Variants in GTPBP3 observed in about 807,000 individuals in gnomAD.
GTPBP3 encodes 5-taurinomethyluridine-[tRNA] synthase subunit GTPB3, mitochondrial.
A neutral mutation model predicts 42.0 loss-of-function variants in GTPBP3; 35 were observed. The observed-to-expected ratio is 0.83, with a 90% confidence interval of 0.64 to 1.10. The LOEUF is 1.10. Ranked by LOEUF, GTPBP3 falls within the 50% of genes least tolerant of loss-of-function variation. GTPBP3 has a pLI of 0.00. For synonymous variants in GTPBP3, 332 were observed against 314.9 expected, an observed-to-expected ratio of 1.05 and a Z score of -0.58; for missense variants, 691 against 685.2, an observed-to-expected ratio of 1.01 and a Z score of -0.09.
chr19:17,336,016 C>T (rs2074364250), upstream of GTPBP3, among the ~76,000 whole-genome samples: 1 of 152,104 alleles, frequency 6.6e-6, no homozygotes. Context: ...GGGTAGATCA[C>T]CTGAGGCAAG....
At chr19:17,338,337 T>C (rs1430012184) in intron 2 of GTPBP3, 28 bp from the exon 3 acceptor site, 2 of 1,612,922 alleles carry the variant, frequency 1.2e-6, no homozygotes, top group East Asian at 4.5e-5. Context: ...GGCTGTGCTG[T>C]CCTCCTGTCA....
rs568475516 is a variant in GTPBP3, at chr19:17,341,617, C to T, written c.1393C>T (p.Arg465Trp). ...ALAAEALRVA[R>W]GHLTRLTGGG... ...GGCGGCAGAGGCGCTGCGGGTGGCC[C>T]GGGGTCACCTGACCCGGCTCACAGG... Residue 465 changes from arginine (R) to tryptophan (W), a missense_variant, in exon 9 of 9, where the codon CGG becomes TGG. Coordinates refer to ENST00000324894, the MANE Select transcript of GTPBP3 (RefSeq NM_032620.4). 16 of 1,613,706 alleles carry T rather than the reference C, an allele frequency of 9.9e-6. No homozygotes were observed. Among genetic ancestry groups the T allele is most frequent in the East Asian group, 2.2e-5 (1 of 44,876 alleles).
rs769827042 is a variant in GTPBP3, at chr19:17,341,269, G to A, written c.1200G>A (p.Thr400=). Residue 400 remains threonine, a synonymous_variant, in exon 8 of 9, where the codon ACG becomes ACA. Transcript: ENST00000324894. ...LPPHLLLSCL[T]GEGLDGLLEA... ...CGCACCTGCTGCTGTCCTGTCTGAC[G>A]GGAGAGGGGCTGGACGGCCTCCTGG... 11 of 1,605,842 alleles carry A rather than the reference G, an allele frequency of 6.8e-6. No homozygotes were observed. The African/African-American group carries it at 1.1e-4, about 16-fold the overall frequency.
At chr19:17,337,341 G>T (rs1032684928), upstream of GTPBP3, 9 of 423,434 alleles carry the variant, frequency 2.1e-5, no homozygotes, top group Middle Eastern at 6.3e-4. Flanking sequence ...GCCTCGCTGC[G>T]CTAGGACCCT....
Position 17,339,523 on chromosome 19 carries a change from C to T in GTPBP3, c.898C>T (p.Leu300=), listed in dbSNP as rs757148398. ...TPVDLAGFPV[L]LSDTAGLREG... Reference sequence around the variant, plus strand: ...AGTCGACCTGGCCGGATTTCCTGTGCTGCTGAGCGACACGGCTGGGTTGCG... The same window carrying T: ...AGTCGACCTGGCCGGATTTCCTGTGTTGCTGAGCGACACGGCTGGGTTGCG... Residue 300 remains leucine, a synonymous_variant, in exon 7 of 9, where the codon CTG becomes TTG. Transcript: ENST00000324894. 1 of 1,613,910 alleles carries T rather than the reference C, an allele frequency of 6.2e-7. No individual in the cohort carries two copies. Among genetic ancestry groups the T allele is most frequent in the South Asian group, 1.1e-5 (1 of 91,084 alleles).
chr19:17,340,817 C>T, intron 7 of GTPBP3: 2 of 549,998 alleles, frequency 3.6e-6, no homozygotes, highest in South Asian at 4.4e-5. Flanking sequence ...TCCTCTTGCT[C>T]TGCCCTTCCC....
In GTPBP3 at chr19:17,339,494, C is replaced by T. The variant is rs2074406509; in HGVS notation, c.869C>T (p.Thr290Ile). 3 of 1,613,962 alleles carry T rather than the reference C, an allele frequency of 1.9e-6. No individual in the cohort carries two copies. Among genetic ancestry groups the T allele is most frequent in the East Asian group, 2.2e-5 (1 of 44,884 alleles). Residue 290 changes from threonine to isoleucine, a missense_variant, in exon 7 of 9, where the codon ACC becomes ATC. By Grantham distance (89) the Thr-to-Ile change is moderately conservative. Coordinates refer to ENST00000324894, the MANE Select transcript of GTPBP3 (RefSeq NM_032620.4). ...GGGACCACCCGTGACGTGCTGGAGACCCCAGTCGACCTGGCCGGATTTCCT... is the reference window on the plus strand; with the variant it reads ...GGGACCACCCGTGACGTGCTGGAGATCCCAGTCGACCTGGCCGGATTTCCT... ...EPGTTRDVLE[T>I]PVDLAGFPVL...
At chr19:17,340,863 C>T (rs868310792) in intron 7 of GTPBP3, 181 bp from the exon 8 acceptor site, 6 of 594,052 alleles carry the variant, frequency 1.0e-5, no homozygotes, top group Middle Eastern at 9.3e-4. Flanking sequence ...CTCTGCCCCA[C>T]CCCCTGTGCT....
At position 17,338,990 on chromosome 19, in the gene GTPBP3, G is replaced by A. The variant is rs758057930; in HGVS notation, c.628G>A (p.Glu210Lys). 12 of 1,613,126 alleles carry A rather than the reference G, an allele frequency of 7.4e-6. No individual in the cohort carries two copies. The highest frequency in any genetic ancestry group is 5.0e-5 in the Admixed American group (3 of 59,996). Residue 210 changes from glutamate to lysine, a missense_variant, in exon 5 of 9, where the codon GAG becomes AAG. By Grantham distance (56) the Glu-to-Lys change is moderately conservative (BLOSUM62 1). Coordinates refer to ENST00000324894, the MANE Select transcript of GTPBP3 (RefSeq NM_032620.4). ...CGTGGAGGCCTATATCGATTTCGGC[G>A]AGGATGACAACCTGGAGGAGGGGGT... ...AHVEAYIDFG[E>K]DDNLEEGVLE...
Position 17,339,477 on chromosome 19 carries a change from C to T in GTPBP3, c.852C>T (p.Thr284=). 1 of 1,613,978 alleles carries T rather than the reference C, an allele frequency of 6.2e-7. No individual in the cohort carries two copies. Among genetic ancestry groups the T allele is most frequent in the Non-Finnish European group, 8.5e-7 (1 of 1,179,984 alleles). Reference sequence around the variant, plus strand: ...TCGTGTCCCCGGAGCCAGGGACCACCCGTGACGTGCTGGAGACCCCAGTCG... The same window carrying T: ...TCGTGTCCCCGGAGCCAGGGACCACTCGTGACGTGCTGGAGACCCCAGTCG... ...VSIVSPEPGT[T]RDVLETPVDL... is the part of the protein sequence containing the mutation. Residue 284 remains threonine (T), a synonymous_variant, in exon 7 of 9, where the codon ACC becomes ACT. Coordinates refer to ENST00000324894, the MANE Select transcript of GTPBP3 (RefSeq NM_032620.4).
chr19:17,337,973 C>T, intron 1 of GTPBP3, 35 bp from the exon 2 acceptor site: 2 of 1,592,106 alleles, frequency 1.3e-6, no homozygotes, highest in Non-Finnish European at 1.7e-6. Flanking sequence ...GCTGAGCCTC[C>T]CAGGTGCGCT....
Position 17,341,776 on chromosome 19 carries a change from C to T in GTPBP3, c.*73C>T. On this transcript the variant is annotated 3_prime_UTR_variant, in exon 9 of 9. Transcript: ENST00000324894. ...TCGGGGGATCTGGAAACAGTTTAGG[C>T]CAATTGGGATTCTCATTCGCCTGGG... is the stretch of plus-strand genomic sequence containing the variant. 1 of 1,296,952 alleles carries T rather than the reference C, an allele frequency of 7.7e-7. No homozygotes were observed. Among genetic ancestry groups the T allele is most frequent in the South Asian group, 1.5e-5 (1 of 68,918 alleles). 80.3% of individuals were successfully genotyped at this position (1,296,952 alleles called of 1,614,324 possible).
chr19:17,341,434 G>A (rs1423318732), intron 8 of GTPBP3, 44 bp from the exon 9 acceptor site: 14 of 1,577,592 alleles, frequency 8.9e-6, no homozygotes, highest in Non-Finnish European at 1.2e-5. Context: ...TTCAAGGGAT[G>A]GTTGTAAAAG....
At chr19:17,340,899 G>A (rs2074423547) in intron 7 of GTPBP3, 145 bp from the exon 8 acceptor site, 2 of 583,528 alleles carry the variant, frequency 3.4e-6, no homozygotes, top group East Asian at 5.5e-5. Flanking sequence ...ACATTCTGCC[G>A]GTCCCCTGGT....
chr19:17,337,418 C>T (rs553097704), upstream of GTPBP3: 3 of 1,166,040 alleles, frequency 2.6e-6, no homozygotes, highest in East Asian at 9.6e-5. Context: ...CCGCCTCCCG[C>T]TCCCGCTCTC....
At position 17,341,853 on chromosome 19, in the gene GTPBP3, TC is replaced by T. The variant is rs1226056658; in HGVS notation, c.*153del. The T allele has an allele frequency of 3.0e-6, 2 of 662,640 alleles. No individual in the cohort carries two copies. Among genetic ancestry groups the T allele is most frequent in the Non-Finnish European group, 4.9e-6 (2 of 406,330 alleles). The allele number at this position is 662,640 out of a possible 1,614,324, so 41.0% of individuals were successfully genotyped here. Reference sequence around the variant, plus strand: ...GCAACACAGCTGAGAGGTAGTGAGATCCCTGCAGGGACTCCCTGGAGATTCA... The same window carrying T: ...GCAACACAGCTGAGAGGTAGTGAGATCCTGCAGGGACTCCCTGGAGATTCA... On this transcript the variant is annotated 3_prime_UTR_variant, in exon 9 of 9. Coordinates refer to ENST00000324894, the MANE Select transcript of GTPBP3 (RefSeq NM_032620.4).
At chr19:17,340,180 G>A (rs962661977) in intron 7 of GTPBP3, among the ~76,000 whole-genome samples, 11 of 151,800 alleles carry the variant, frequency 7.2e-5, no homozygotes, top group African/African-American at 1.2e-4. Context: ...GATTAGAGGC[G>A]CCCACCACAA....
Position 17,342,427 on chromosome 19 carries a change from C to T in GTPBP3, c.*724C>T, listed in dbSNP as rs1441087808. The T allele has an allele frequency of 6.6e-6, 1 of 152,200 alleles. No homozygotes were observed. The highest frequency in any genetic ancestry group is 1.5e-5 in the Non-Finnish European group (1 of 68,062). 9.4% of individuals were successfully genotyped at this position (152,200 alleles called of 1,614,324 possible). On this transcript the variant is annotated 3_prime_UTR_variant, in exon 9 of 9. Coordinates refer to ENST00000324894, the MANE Select transcript of GTPBP3 (RefSeq NM_032620.4). ...GGACTACAGGCGCACACCACCACGC[C>T]AGGCTAATTTTTGTATTTTTAGTAG...
chr19:17,341,868 C>T lies in GTPBP3; in HGVS notation c.*165C>T. The T allele has an allele frequency of 1.7e-6, 1 of 574,298 alleles. No individual in the cohort carries two copies. Among genetic ancestry groups the T allele is most frequent in the Non-Finnish European group, 2.9e-6 (1 of 346,546 alleles). 35.6% of individuals were successfully genotyped at this position (574,298 alleles called of 1,614,324 possible). A position where few individuals can be genotyped will look rare whatever the true frequency, so the allele number is the denominator to read the frequency against. ...GGTAGTGAGATCCCTGCAGGGACTC[C>T]CTGGAGATTCAGGCCCTGGAATGGG... On this transcript the variant is annotated 3_prime_UTR_variant, in exon 9 of 9. Transcript: ENST00000324894.
Sources: gnomAD v4.1 joint callset for allele counts (sites outside exome capture counted in the v4.1 genomes callset) on GRCh38, gnomAD v4.1.1 for gene constraint, MANE v1.5 for transcripts, NCBI Gene and HGNC (gene_info 2026-07-23, HGNC 2026-07-21) for gene names.